FAM168B: variants seen among roughly 807,000 people sequenced by gnomAD.
FAM168B encodes the protein myelin-associated neurite-outgrowth inhibitor.
FAM168B carries 19 observed loss-of-function variants against 21.8 expected under a neutral mutation model. The observed-to-expected ratio is 0.87, with a 90% confidence interval of 0.61 to 1.28. FAM168B has a LOEUF of 1.28. FAM168B is among the 50% of genes most tolerant of loss of function. The pLI is 0.00. For synonymous variants in FAM168B, 126 were observed against 104.8 expected (o/e 1.20, Z -1.24); for missense variants, 233 against 263.1 (o/e 0.89, Z 0.79).
chr2:131,063,725 G>A (rs2105492205), intron 3 of FAM168B, among the ~76,000 whole-genome samples: 1 of 152,292 alleles, frequency 6.6e-6, no homozygotes, highest in African/African-American at 2.4e-5. Flanking sequence ...GTTACAGTGA[G>A]CTATGATTGT....
At chr2:131,068,662 G>A (rs1692695727) in intron 3 of FAM168B, among the ~76,000 whole-genome samples, 1 of 152,168 alleles carries the variant, frequency 6.6e-6, no homozygotes, top group Non-Finnish European at 1.5e-5. Flanking sequence ...TTTGAGAGCA[G>A]TCTTGGAAAA....
At chr2:131,068,872 C>T (rs185871350) in intron 3 of FAM168B, among the ~76,000 whole-genome samples, 5 of 152,156 alleles carry the variant, frequency 3.3e-5, no homozygotes, top group African/African-American at 1.2e-4. Flanking sequence ...AAAAATTAGC[C>T]GAGTGTGGTG....
rs1350606927 is a variant in FAM168B at position 131,049,549 on chromosome 2, G to A, written c.*2916C>T. The A allele has an allele frequency of 2.0e-6, 2 of 985,332 alleles. No individual in the cohort carries two copies. Among genetic ancestry groups the A allele is most frequent in the Non-Finnish European group, 2.4e-6 (2 of 829,968 alleles). The allele number at this position is 985,332 out of a possible 1,614,324, so 61.0% of individuals were successfully genotyped here. ...GTCACTGGCTCACACTAAATGCTCAGCCGCCAGCACAGATCCAAACAAGAC... is the reference window on the plus strand; with the variant it reads ...GTCACTGGCTCACACTAAATGCTCAACCGCCAGCACAGATCCAAACAAGAC... On this transcript the variant is annotated 3_prime_UTR_variant, in exon 7 of 7. Coordinates refer to ENST00000389915, the MANE Select transcript of FAM168B (RefSeq NM_001009993.4).
At chr2:131,086,484 C>T (rs1033212648) in intron 1 of FAM168B, among the ~76,000 whole-genome samples, 3 of 152,124 alleles carry the variant, frequency 2.0e-5, no homozygotes, top group African/African-American at 7.2e-5. Context: ...CGGTGGTGCA[C>T]ACCTGTGGTC....
chr2:131,083,690 A>C (rs1693534680), intron 1 of FAM168B, among the ~76,000 whole-genome samples: 1 of 152,268 alleles, frequency 6.6e-6, no homozygotes, highest in Admixed American at 6.5e-5. Context: ...TGTTAAGTGA[A>C]AACAAAGTAG....
chr2:131,067,042 A>C (rs1692600758), intron 3 of FAM168B, among the ~76,000 whole-genome samples: 1 of 152,164 alleles, frequency 6.6e-6, no homozygotes, highest in South Asian at 2.1e-4. Context: ...AGACTTATTC[A>C]CTATCATGGG....
At position 131,051,189 on chromosome 2, in the gene FAM168B, G is replaced by A. The variant is rs899241038; in HGVS notation, c.*1276C>T. On this transcript the variant is annotated 3_prime_UTR_variant, in exon 7 of 7. Transcript: ENST00000389915. ...AGAGGCTCGCAGACAACAGACACTGGCCTCCCCCTCGCCCCATCTCTAAGC... is the reference window on the plus strand; with the variant it reads ...AGAGGCTCGCAGACAACAGACACTGACCTCCCCCTCGCCCCATCTCTAAGC... 3 of 985,142 alleles carry A rather than the reference G, an allele frequency of 3.0e-6. No homozygotes were observed. In the African/African-American group the frequency reaches 5.2e-5, roughly 17 times the overall value. 61.0% of individuals were successfully genotyped at this position (985,142 alleles called of 1,614,324 possible).
At chr2:131,074,710 A>C (rs563979316) in intron 2 of FAM168B, among the ~76,000 whole-genome samples, 1 of 152,184 alleles carries the variant, frequency 6.6e-6, no homozygotes, top group Non-Finnish European at 1.5e-5. Flanking sequence ...GGAAGCCCTA[A>C]GGTTGAGGTA....
chr2:131,057,152 A>T (rs1258511651), intron 3 of FAM168B, among the ~76,000 whole-genome samples: 1 of 152,196 alleles, frequency 6.6e-6, no homozygotes, highest in Admixed American at 6.5e-5. Context: ...CAAGCCAGAG[A>T]CACATCCCGC....
Position 131,051,302 on chromosome 2 carries a change from T to A in FAM168B, c.*1163A>T. On this transcript the variant is annotated 3_prime_UTR_variant, in exon 7 of 7. Coordinates refer to ENST00000389915, the MANE Select transcript of FAM168B (RefSeq NM_001009993.4). ...CTACAGGTTTCTACATTTCCAGACA[T>A]ATCCACGGCCCTGCCTTTCTACAAG... The A allele has an allele frequency of 1.0e-6, 1 of 985,284 alleles. No homozygotes were observed. The highest frequency in any genetic ancestry group is 1.2e-6 in the Non-Finnish European group (1 of 829,914). 61.0% of individuals were successfully genotyped at this position (985,284 alleles called of 1,614,324 possible). A position where few individuals can be genotyped will look rare whatever the true frequency, so the allele number is the denominator to read the frequency against.
At position 131,048,325 on chromosome 2, in the gene FAM168B, A is replaced by G. The variant is rs10206085; in HGVS notation, c.*4140T>C. The G allele has an allele frequency of 1.5e-3, 2,008 of 1,303,900 alleles. 30 individuals are homozygous for G. In the African/African-American group the frequency reaches 0.028, roughly 18 times the overall value. 80.8% of individuals were successfully genotyped at this position (1,303,900 alleles called of 1,614,324 possible). A position where few individuals can be genotyped will look rare whatever the true frequency, so the allele number is the denominator to read the frequency against. On this transcript the variant is annotated 3_prime_UTR_variant, in exon 7 of 7. Coordinates refer to ENST00000389915, the MANE Select transcript of FAM168B (RefSeq NM_001009993.4). Reference sequence around the variant, plus strand: ...AGCTGCCTTGCCCACTGGTCTGCACAGGGACTCATGGGCACAGCCTGTGGT... The same window carrying G: ...AGCTGCCTTGCCCACTGGTCTGCACGGGGACTCATGGGCACAGCCTGTGGT...
intron 5 of FAM168B, among the ~76,000 whole-genome samples, chr2:131,053,236 TG>T (rs1167443269): frequency 6.6e-6 from 1 of 152,238 alleles, no homozygotes; most frequent in Non-Finnish European, 1.5e-5. Flanking sequence ...AAAAGCCTTT[TG>T]TGTGTCCCCT....
chr2:131,081,546 G>A (rs370918867), intron 2 of FAM168B, among the ~76,000 whole-genome samples: 4 of 152,260 alleles, frequency 2.6e-5, no homozygotes, highest in African/African-American at 9.6e-5. Flanking sequence ...AAGATCTCCC[G>A]CTTCTCAGAG....
intron 1 of FAM168B, among the ~76,000 whole-genome samples, chr2:131,087,004 T>C (rs1223976188): frequency 2.4e-5 from 2 of 84,194 alleles, no homozygotes; most frequent in African/African-American, 2.0e-4. Context: ...GGGCGGAGCC[T>C]GCAGTGAGCC....
Position 131,048,279 on chromosome 2 carries a change from G to C in FAM168B, c.*4186C>G. 7.7e-7 allele frequency: 1 copy of C among 1,304,236 alleles called. No individual in the cohort carries two copies. Among genetic ancestry groups the C allele is most frequent in the Non-Finnish European group, 1.0e-6 (1 of 988,938 alleles). 80.8% of individuals were successfully genotyped at this position (1,304,236 alleles called of 1,614,324 possible). On this transcript the variant is annotated 3_prime_UTR_variant, in exon 7 of 7. Transcript: ENST00000389915. Reference sequence around the variant, plus strand: ...CAGCAACCCTGCTAGGAGCACAAACGGCTGGCCTGAGATCTGGCCCAGCTG... The same window carrying C: ...CAGCAACCCTGCTAGGAGCACAAACCGCTGGCCTGAGATCTGGCCCAGCTG...
intron 2 of FAM168B, among the ~76,000 whole-genome samples, chr2:131,079,451 G>T (rs1371557538): frequency 6.6e-6 from 1 of 152,204 alleles, no homozygotes; most frequent in Non-Finnish European, 1.5e-5. Context: ...CTCCAGCCTG[G>T]GTGACAAGAG....
At chr2:131,053,642 T>G (rs1421037654) in intron 5 of FAM168B, among the ~76,000 whole-genome samples, 1 of 151,356 alleles carries the variant, frequency 6.6e-6, no homozygotes, top group African/African-American at 2.4e-5. Context: ...TCTGGGAGGC[T>G]GGGGTGGGAG....
chr2:131,053,693 A>G (rs1325138939), intron 5 of FAM168B, among the ~76,000 whole-genome samples: 4 of 152,120 alleles, frequency 2.6e-5, no homozygotes, highest in Non-Finnish European at 5.9e-5. Context: ...CCTGGGCAAC[A>G]TAGTGAGATC....
Position 131,055,593 on chromosome 2 carries a change from G to A in FAM168B, c.257C>T (p.Pro86Leu). Residue 86 changes from proline (P) to leucine (L), a missense_variant, in exon 4 of 7, where the codon CCT becomes CTT. Physicochemically the swap from Pro to Leu is moderately conservative, Grantham distance 98. Transcript: ENST00000389915. ...CTGCTGGGGGTAGGCACTTCGCACA[G>A]GGTACACGGCAGTCTGGTAGGGGTT... is the stretch of plus-strand genomic sequence containing the variant. ...SPNPYQTAVYPVRSAYPQQSP... is the reference protein window; with the variant it reads ...SPNPYQTAVYLVRSAYPQQSP... 1 of 1,609,118 alleles carries A rather than the reference G, an allele frequency of 6.2e-7. No homozygotes were observed. The highest frequency in any genetic ancestry group is 8.5e-7 in the Non-Finnish European group (1 of 1,177,598).
Sources: allele counts gnomAD v4.1 joint callset (sites outside exome capture counted in the v4.1 genomes callset), GRCh38; gene constraint gnomAD v4.1.1; transcripts MANE v1.5; gene names NCBI Gene and HGNC (gene_info 2026-07-23, HGNC 2026-07-21).